ELMO1: variants seen among roughly 807,000 people sequenced by gnomAD.
The protein encoded by ELMO1 is engulfment and cell motility protein 1.
In ELMO1, 26 loss-of-function variants were observed where a neutral mutation model predicts 98.9. The observed-to-expected ratio is 0.26, with a 90% CI of 0.19 to 0.36. The LOEUF (loss-of-function observed/expected upper bound fraction) is 0.36, where lower values mean the gene tolerates loss of function less well. Ranked by LOEUF, ELMO1 falls within the 10% of genes least tolerant of loss-of-function variation. ELMO1 has a pLI of 1.00. For synonymous variants in ELMO1, 346 were observed against 346.0 expected, an observed-to-expected ratio of 1.00 and a Z score of 0.00; for missense variants, 627 against 935.2, an observed-to-expected ratio of 0.67 and a Z score of 4.30.
At chr7:37,062,335 C>T (rs1796709705) in intron 15 of ELMO1, among the ~76,000 whole-genome samples, 1 of 152,150 alleles carries the variant, frequency 6.6e-6, no homozygotes, top group Non-Finnish European at 1.5e-5. Context: ...GTACATAAAG[C>T]CATGTTAAGT....
intron 13 of ELMO1, among the ~76,000 whole-genome samples, chr7:37,160,681 A>C (rs1789139279): frequency 6.6e-6 from 1 of 152,170 alleles, no homozygotes; most frequent in Non-Finnish European, 1.5e-5. Flanking sequence ...ATGTCCCCAG[A>C]AGAGCCCACC....
intron 15 of ELMO1, among the ~76,000 whole-genome samples, chr7:37,076,004 G>A (rs1797557852): frequency 6.6e-6 from 1 of 152,194 alleles, no homozygotes; most frequent in South Asian, 2.1e-4. Context: ...TCTTTCAGCT[G>A]TGACCTACAG....
At chr7:37,023,191 GGGCAGTTGGC>G (rs1794374770) in intron 15 of ELMO1, among the ~76,000 whole-genome samples, 1 of 152,168 alleles carries the variant, frequency 6.6e-6, no homozygotes, top group Non-Finnish European at 1.5e-5. Context: ...GCAGTTACAT[GGGCAGTTGGC>G]GGTTTGGAAA....
intron 16 of ELMO1, among the ~76,000 whole-genome samples, chr7:36,905,417 C>A (rs1044007350): frequency 4.6e-5 from 7 of 152,120 alleles, no homozygotes; most frequent in African/African-American, 1.7e-4. Context: ...TCCCTAGGAG[C>A]TCCCCAAAAT....
At chr7:37,178,774 G>A (rs541481374) in intron 13 of ELMO1, among the ~76,000 whole-genome samples, 26 of 152,132 alleles carry the variant, frequency 1.7e-4, no homozygotes, top group Non-Finnish European at 2.6e-4. Context: ...TATAACCCCA[G>A]TCTAATCATG....
intron 1 of ELMO1, among the ~76,000 whole-genome samples, chr7:37,441,140 C>A (rs1351437754): frequency 2.0e-5 from 3 of 147,230 alleles, no homozygotes; most frequent in Admixed American, 1.4e-4. Flanking sequence ...CAATTCTGAA[C>A]TGAAAAAAAA....
chr7:37,302,904 C>T (rs1798420409), intron 4 of ELMO1, among the ~76,000 whole-genome samples: 1 of 152,144 alleles, frequency 6.6e-6, no homozygotes, highest in African/African-American at 2.4e-5. Context: ...ACCTAGGGCC[C>T]TAATGTTACT....
At chr7:37,408,483 C>A (rs1232955968) in intron 1 of ELMO1, among the ~76,000 whole-genome samples, 1 of 152,144 alleles carries the variant, frequency 6.6e-6, no homozygotes, top group Non-Finnish European at 1.5e-5. Flanking sequence ...GCGTTAGTCA[C>A]AATAGCCAGG....
At chr7:37,315,725 A>T (rs781426895) in intron 3 of ELMO1, among the ~76,000 whole-genome samples, 195 bp downstream of exon 3, 10 of 152,178 alleles carry the variant, frequency 6.6e-5, no homozygotes, top group East Asian at 1.9e-4. Context: ...GCCATTTCAC[A>T]CTTTCTGCTC....
chr7:37,332,037 G>A (rs1422907828), intron 2 of ELMO1, among the ~76,000 whole-genome samples: 1 of 152,160 alleles, frequency 6.6e-6, no homozygotes, highest in East Asian at 1.9e-4. Flanking sequence ...CGGAAATTAT[G>A]AGCATCTCAT....
At chr7:36,917,795 T>A in intron 16 of ELMO1, among the ~76,000 whole-genome samples, 1 of 152,180 alleles carries the variant, frequency 6.6e-6, no homozygotes, top group East Asian at 1.9e-4. Flanking sequence ...CAAATAAGGA[T>A]GTTAGCTGCA....
chr7:37,012,933 G>A (rs1490009733), intron 16 of ELMO1, among the ~76,000 whole-genome samples: 2 of 152,204 alleles, frequency 1.3e-5, no homozygotes, highest in Admixed American at 6.5e-5. Context: ...CTCCTGGACA[G>A]GTGGAGGGAA....
At chr7:37,332,860 G>A (rs1454963692) in intron 2 of ELMO1, among the ~76,000 whole-genome samples, 1 of 152,188 alleles carries the variant, frequency 6.6e-6, no homozygotes, top group Non-Finnish European at 1.5e-5. Flanking sequence ...ATGGATTGGA[G>A]GGGAAGGAAG....
At chr7:36,873,091 C>A in intron 19 of ELMO1, among the ~76,000 whole-genome samples, 1 of 151,990 alleles carries the variant, frequency 6.6e-6, no homozygotes, top group Admixed American at 6.6e-5. Context: ...ATGCATTGTC[C>A]CTTGTCCTAG....
intron 14 of ELMO1, among the ~76,000 whole-genome samples, chr7:37,105,904 T>C (rs184848386): frequency 6.6e-6 from 1 of 152,280 alleles, no homozygotes; most frequent in Non-Finnish European, 1.5e-5. Flanking sequence ...TTAGCGGGTA[T>C]GGGGTTATTT....
chr7:37,444,794 G>T (rs1269347711), intron 1 of ELMO1, among the ~76,000 whole-genome samples: 1 of 152,168 alleles, frequency 6.6e-6, no homozygotes, highest in Admixed American at 6.5e-5. Context: ...GATTAGAGGC[G>T]TGAGCCACCG....
At position 37,243,181 on chromosome 7, in the gene ELMO1, T is replaced by C. The variant is rs552660277; in HGVS notation, c.449+1175A>G. On this transcript the variant is annotated intron_variant, in intron 7 of 21. Transcript: ENST00000310758. Reference sequence around the variant, plus strand: ...CTACAAACTGTCCAGCATATCTACATACCAAAAGATTAAAACTACTGTCTA... The same window carrying C: ...CTACAAACTGTCCAGCATATCTACACACCAAAAGATTAAAACTACTGTCTA... 1.9e-3 allele frequency among the ~76,000 whole-genome samples: 285 copies of C among 152,296 alleles called. 1 individual carries two copies. The highest frequency in any genetic ancestry group is 6.7e-3 in the African/African-American group (278 of 41,572).
At chr7:37,154,406 T>C (rs924689291) in intron 13 of ELMO1, among the ~76,000 whole-genome samples, 5 of 77,926 alleles carry the variant, frequency 6.4e-5, no homozygotes, top group African/African-American at 1.4e-4. Flanking sequence ...ACAAGGAAGC[T>C]AAAAACCCTG....
intron 7 of ELMO1, 21 bp from the exon 8 acceptor site, chr7:37,233,215 C>T (rs1794279458): frequency 6.3e-7 from 1 of 1,598,242 alleles, no homozygotes. Context: ...CAGAGAGGCA[C>T]AAGAGTCAAG....
Sources: allele counts gnomAD v4.1 joint callset (sites outside exome capture counted in the v4.1 genomes callset), GRCh38; gene constraint gnomAD v4.1.1; transcripts MANE v1.5; gene names NCBI Gene and HGNC (gene_info 2026-07-23, HGNC 2026-07-21).